The following DPP6 variants were observed in gnomAD, a reference collection of about 807,000 sequenced individuals.
DPP6 encodes dipeptidyl peptidase like 6, also known as A-type potassium channel modulatory protein DPP6.
In DPP6, 69 loss-of-function variants were observed where a neutral mutation model predicts 122.6. That is an observed-to-expected ratio of 0.56 (90% CI 0.46 to 0.69). The LOEUF is 0.69. Among genes scored for constraint, DPP6 ranks in the 30% least tolerant of loss-of-function variants. The pLI is 0.00. For missense variants in DPP6, 928 were observed against 1,116.9 expected (o/e 0.83, Z 2.41); for synonymous variants, 418 against 433.1 (o/e 0.97, Z 0.43).
rs373298408 is a variant in DPP6, at chr7:154,885,771, C to G, written c.2245+27C>G. The G allele has an allele frequency of 4.5e-6, 7 of 1,559,760 alleles. No individual in the cohort carries two copies. The South Asian group carries it at 7.1e-5, about 16-fold the overall frequency. ...TAAATAGCCCTGCAGGACCAAGCGA[C>G]GGGCTCTGCTCCCGCCCCGCCCCGC... On this transcript the variant is annotated intron_variant, in intron 22 of 25. Transcript: ENST00000377770.
At chr7:154,337,898 G>A (rs1809569750) in intron 1 of DPP6, among the ~76,000 whole-genome samples, 1 of 152,196 alleles carries the variant, frequency 6.6e-6, no homozygotes, top group Non-Finnish European at 1.5e-5. Context: ...CTTGCCTGGT[G>A]CCCAAGGCTG....
chr7:154,479,599 T>A (rs1357614931), intron 3 of DPP6, among the ~76,000 whole-genome samples: 2 of 136,516 alleles, frequency 1.5e-5, no homozygotes, highest in African/African-American at 5.3e-5. Context: ...AAGAAAAGGC[T>A]CACTCTGGGC....
chr7:154,630,837 A>C (rs1318074852), intron 5 of DPP6, among the ~76,000 whole-genome samples: 1 of 152,174 alleles, frequency 6.6e-6, no homozygotes, highest in Non-Finnish European at 1.5e-5. Context: ...TAATGCATGC[A>C]GGGCTTAAAA....
chr7:154,766,189 G>C (rs55811234), intron 8 of DPP6, among the ~76,000 whole-genome samples: 2 of 152,178 alleles, frequency 1.3e-5, no homozygotes, highest in African/African-American at 4.8e-5. Flanking sequence ...GCGTGGCACA[G>C]GTTCTTCGCA....
At chr7:154,681,993 G>T (rs551080724) in intron 7 of DPP6, among the ~76,000 whole-genome samples, 4 of 152,312 alleles carry the variant, frequency 2.6e-5, no homozygotes, top group African/African-American at 9.6e-5. Flanking sequence ...CAGAGTGTAG[G>T]TTCTCAACAA....
intron 1 of DPP6, chr7:154,095,953 T>G (rs1454897203): frequency 7.4e-6 from 1 of 134,806 alleles, no homozygotes; most frequent in Non-Finnish European, 1.6e-5. Flanking sequence ...GAGTCCCAGG[T>G]GAGAGCTAAG....
the DPP6 span, among the ~76,000 whole-genome samples, chr7:153,781,731 G>T: frequency 4.0e-5 from 6 of 151,654 alleles, no homozygotes; most frequent in African/African-American, 1.5e-4. Context: ...TTGATAGCAG[G>T]GTTAGATTAA....
chr7:154,818,166 C>G (rs995216711), intron 16 of DPP6, among the ~76,000 whole-genome samples: 1 of 152,078 alleles, frequency 6.6e-6, no homozygotes, highest in Non-Finnish European at 1.5e-5. Context: ...CATGTCACTT[C>G]AGAGAAGAGA....
At chr7:153,764,960 C>T in the DPP6 span, among the ~76,000 whole-genome samples, 1 of 152,194 alleles carries the variant, frequency 6.6e-6, no homozygotes, top group Non-Finnish European at 1.5e-5. Context: ...GTTTCAGGCT[C>T]TGTGACGCCG....
chr7:154,209,299 TA>T (rs2150804361), intron 1 of DPP6, among the ~76,000 whole-genome samples: 1 of 152,334 alleles, frequency 6.6e-6, no homozygotes, highest in South Asian at 2.1e-4. Context: ...TCTTTCCACT[TA>T]AGTCCTACAT....
At position 154,483,970 on chromosome 7, in the gene DPP6, G is replaced by C. The variant is rs1823565135; in HGVS notation, c.457+8933G>C. 6.6e-6 allele frequency among the ~76,000 whole-genome samples: 1 copy of C among 152,220 alleles called. No homozygotes were observed. Among genetic ancestry groups the C allele is most frequent in the South Asian group, 2.1e-4 (1 of 4,822 alleles). ...AGCCTCCCAAAGTGTTGGGATTACA[G>C]ATGTGAGCCACCACGCCCGGCCCAG... is the stretch of plus-strand genomic sequence containing the variant. On this transcript the variant is annotated intron_variant, in intron 3 of 25. Transcript: ENST00000377770. This position sits in a 1 kb window ranked among gnomAD's most constrained non-coding sequence, Gnocchi z 8.1.
At chr7:154,511,706 T>C (rs1328715734) in intron 3 of DPP6, among the ~76,000 whole-genome samples, 2 of 152,226 alleles carry the variant, frequency 1.3e-5, no homozygotes, top group Non-Finnish European at 2.9e-5. Flanking sequence ...TAAAGCGGTT[T>C]GCATCCTGGT....
At chr7:154,010,997 TG>T (rs1798128805) in intron 1 of DPP6, among the ~76,000 whole-genome samples, 1 of 152,224 alleles carries the variant, frequency 6.6e-6, no homozygotes, top group African/African-American at 2.4e-5. Flanking sequence ...CATCTGGGCA[TG>T]GCAGCACCTA....
At chr7:154,722,865 A>G (rs1341589486) in intron 7 of DPP6, among the ~76,000 whole-genome samples, 1 of 152,202 alleles carries the variant, frequency 6.6e-6, no homozygotes, top group Non-Finnish European at 1.5e-5. Flanking sequence ...ATTTGATCTC[A>G]GCATCCAGGA....
chr7:154,578,294 C>G (rs1831815986), intron 5 of DPP6, among the ~76,000 whole-genome samples: 1 of 152,192 alleles, frequency 6.6e-6, no homozygotes. Flanking sequence ...CATTGCCGAG[C>G]CTGGCGACGC....
chr7:153,883,083 C>A (rs1280642854), upstream of DPP6, among the ~76,000 whole-genome samples: 1 of 151,980 alleles, frequency 6.6e-6, no homozygotes, highest in Non-Finnish European at 1.5e-5. Flanking sequence ...AATATAGGAC[C>A]ACCTTCGCAT....
intron 1 of DPP6, among the ~76,000 whole-genome samples, chr7:153,923,588 C>T (rs1215504289): frequency 1.3e-5 from 2 of 151,714 alleles, no homozygotes; most frequent in African/African-American, 2.4e-5. Context: ...GGTGAAACCT[C>T]GTCTCTACTA....
chr7:154,292,609 G>C (rs1393476871), intron 1 of DPP6, among the ~76,000 whole-genome samples: 1 of 152,190 alleles, frequency 6.6e-6, no homozygotes, highest in South Asian at 2.1e-4. Flanking sequence ...GTTTCTGAAG[G>C]ACTTGGCTCT....
chr7:154,149,990 G>A (rs1025956398), intron 1 of DPP6, among the ~76,000 whole-genome samples: 10 of 152,098 alleles, frequency 6.6e-5, no homozygotes, highest in Admixed American at 3.9e-4. Flanking sequence ...GATTTGATTC[G>A]TGGTGTTGTA....
Sources: allele counts gnomAD v4.1 joint callset (sites outside exome capture counted in the v4.1 genomes callset), GRCh38; gene constraint gnomAD v4.1.1; non-coding constraint Gnocchi (gnomAD v3.1); transcripts MANE v1.5; gene names NCBI Gene and HGNC (gene_info 2026-07-23, HGNC 2026-07-21).